Variants in CHIC2 observed in about 807,000 individuals in gnomAD.
The protein encoded by CHIC2 is cysteine rich hydrophobic domain 2, also known as cysteine-rich hydrophobic domain-containing protein 2.
A neutral mutation model predicts 25.9 loss-of-function variants in CHIC2; 14 were observed. The ratio of observed to expected loss-of-function variants is 0.54; its 90% confidence interval spans 0.36 to 0.85. The LOEUF (loss-of-function observed/expected upper bound fraction) is 0.85, where lower values mean the gene tolerates loss of function less well. CHIC2 is among the 40% of genes least tolerant of loss of function. The pLI is 0.01. For synonymous variants in CHIC2, 70 were observed against 72.0 expected, an observed-to-expected ratio of 0.97 and a Z score of 0.14; for missense variants, 146 against 202.0, an observed-to-expected ratio of 0.72 and a Z score of 1.68.
intron 5 of CHIC2, 62 bp from the exon 6 acceptor site, chr4:54,010,207 A>G (rs1715542590): frequency 1.7e-6 from 2 of 1,165,198 alleles, no homozygotes; most frequent in Admixed American, 2.1e-5. Context: ...TAAAACTTCA[A>G]TTATATGCTT....
At chr4:54,031,164 G>C (rs1051805922) in intron 3 of CHIC2, among the ~76,000 whole-genome samples, 16 of 138,430 alleles carry the variant, frequency 1.2e-4, no homozygotes, top group African/African-American at 4.0e-4. Context: ...CCTTTGCTCA[G>C]ATTAAAAGGA....
At chr4:54,080,467 A>G in the CHIC2 span, among the ~76,000 whole-genome samples, 1 of 151,866 alleles carries the variant, frequency 6.6e-6, no homozygotes, top group African/African-American at 2.4e-5. Context: ...TGAAAGATTA[A>G]AGAGCACTGG....
the CHIC2 span, among the ~76,000 whole-genome samples, chr4:54,083,284 G>A: frequency 6.6e-6 from 1 of 151,406 alleles, no homozygotes; most frequent in East Asian, 1.9e-4. Flanking sequence ...CAAAGTGCTG[G>A]GATTACAGGC....
the CHIC2 span, among the ~76,000 whole-genome samples, chr4:54,077,679 C>G: frequency 6.6e-6 from 1 of 152,194 alleles, no homozygotes; most frequent in African/African-American, 2.4e-5. Flanking sequence ...ACTTGCAAGG[C>G]TGTTGAGGCT....
At chr4:54,068,111 C>T (rs953099138), upstream of CHIC2, among the ~76,000 whole-genome samples, 2 of 152,054 alleles carry the variant, frequency 1.3e-5, no homozygotes, top group African/African-American at 4.8e-5. Flanking sequence ...AGCAAGAAGA[C>T]AGTCATCTGC....
intron 3 of CHIC2, among the ~76,000 whole-genome samples, chr4:54,041,011 G>A (rs1716559775): frequency 6.7e-6 from 1 of 148,976 alleles, no homozygotes; most frequent in Non-Finnish European, 1.5e-5. Flanking sequence ...CCAACTCCCT[G>A]GTTCAAGCGA....
rs34881525 is a variant in CHIC2 at position 54,009,954 on chromosome 4, T to TAAAAA, written c.*136_*140dup. The TAAAAA allele has an allele frequency of 1.0e-4, 40 of 400,524 alleles. No individual in the cohort carries two copies. Among genetic ancestry groups the TAAAAA allele is most frequent in the South Asian group, 8.7e-5 (2 of 23,114 alleles). The allele number at this position is 400,524 out of a possible 1,614,324, so 24.8% of individuals were successfully genotyped here. Reference sequence around the variant, plus strand: ...TGCACACTTAGAACATGCGGTTATTTAAAAAAAAAACAAAAACAAAAACAA... The same window carrying TAAAAA: ...TGCACACTTAGAACATGCGGTTATTTAAAAAAAAAAAAAAACAAAAACAAAAACAA... On this transcript the variant is annotated 3_prime_UTR_variant, in exon 6 of 6. Coordinates refer to ENST00000263921, the MANE Select transcript of CHIC2 (RefSeq NM_012110.4).
intron 3 of CHIC2, among the ~76,000 whole-genome samples, chr4:54,047,751 T>C (rs949577645): frequency 2.0e-5 from 3 of 151,858 alleles, no homozygotes; most frequent in Non-Finnish European, 4.4e-5. Context: ...TATACATATG[T>C]AACTAACCTG....
At chr4:54,084,959 CAAAAAAAAAAA>C in the CHIC2 span, among the ~76,000 whole-genome samples, 1 of 58,922 alleles carries the variant, frequency 1.7e-5, no homozygotes, top group Non-Finnish European at 3.2e-5. Context: ...TGCTCTGTCT[CAAAAAAAAAAA>C]AAAAAAAAAA....
At chr4:54,049,177 T>C in intron 2 of CHIC2, 67 bp from the exon 3 acceptor site, 3 of 1,562,992 alleles carry the variant, frequency 1.9e-6, no homozygotes, top group South Asian at 1.2e-5. Context: ...CTGATGAGCA[T>C]ACTTTTTTCT....
At chr4:54,045,865 T>C (rs1208661507) in intron 3 of CHIC2, among the ~76,000 whole-genome samples, 3 of 151,580 alleles carry the variant, frequency 2.0e-5, no homozygotes, top group Non-Finnish European at 4.4e-5. Flanking sequence ...AAATTGTCCC[T>C]GTTTGCAGAT....
At chr4:54,062,329 T>TTTTA (rs59288511) in intron 1 of CHIC2, among the ~76,000 whole-genome samples, 4,448 of 151,440 alleles carry the variant, frequency 0.029, 93 homozygotes, top group African/African-American at 0.062. Flanking sequence ...ACCTGTGAGA[T>TTTTA]TTTATTTATT....
intron 3 of CHIC2, among the ~76,000 whole-genome samples, chr4:54,035,734 T>C (rs1716364504): frequency 6.6e-6 from 1 of 152,142 alleles, no homozygotes; most frequent in Admixed American, 6.6e-5. Flanking sequence ...ATTATTTTTT[T>C]CCCCCTCCTT....
the CHIC2 span, among the ~76,000 whole-genome samples, chr4:54,083,464 C>T: frequency 3.7e-4 from 57 of 152,290 alleles, no homozygotes; most frequent in Non-Finnish European, 1.8e-4. Context: ...TATCTACAGT[C>T]TCATCTGAAA....
chr4:54,059,509 C>T (rs1717269596), intron 1 of CHIC2: 1 of 151,480 alleles, frequency 6.6e-6, no homozygotes, highest in South Asian at 2.1e-4. Flanking sequence ...CCCCTGCCCA[C>T]CAGCTTAGGT....
rs187385937 is a variant in CHIC2 at position 54,028,836 on chromosome 4, A to C, written c.331-14717T>G. On this transcript the variant is annotated intron_variant, in intron 3 of 5. Coordinates refer to ENST00000263921, the MANE Select transcript of CHIC2 (RefSeq NM_012110.4). ...TTACATTTAAGTAGGTGCAAAAGTC[A>C]AACATCGACTGGGCGCAGCGGCTCA... is the stretch of plus-strand genomic sequence containing the variant. Among the ~76,000 whole-genome samples, 152 of 152,338 alleles carry C rather than the reference A, an allele frequency of 1.0e-3. 1 individual carries two copies. Among genetic ancestry groups the C allele is most frequent in the Admixed American group, 5.4e-3 (83 of 15,308 alleles).
intron 3 of CHIC2, among the ~76,000 whole-genome samples, chr4:54,032,429 C>T (rs1279996184): frequency 3.3e-5 from 5 of 152,048 alleles, no homozygotes; most frequent in African/African-American, 1.2e-4. Flanking sequence ...CCACGCCTGA[C>T]TGGTTTTCGT....
chr4:54,081,064 A>G, the CHIC2 span, among the ~76,000 whole-genome samples: 2 of 150,622 alleles, frequency 1.3e-5, no homozygotes, highest in African/African-American at 4.9e-5. Flanking sequence ...TTTGATTAAT[A>G]TCTCAAAAAG....
intron 5 of CHIC2, 76 bp from the exon 6 acceptor site, chr4:54,010,221 C>A: frequency 9.6e-7 from 1 of 1,043,580 alleles, no homozygotes; most frequent in Non-Finnish European, 1.4e-6. Flanking sequence ...TATGCTTTCA[C>A]AATTTTTTTG....
Sources: gnomAD v4.1 joint callset for allele counts (sites outside exome capture counted in the v4.1 genomes callset) on GRCh38, gnomAD v4.1.1 for gene constraint, MANE v1.5 for transcripts, NCBI Gene and HGNC (gene_info 2026-07-23, HGNC 2026-07-21) for gene names.